The following KPNA1 variants were observed in gnomAD, a reference collection of about 807,000 sequenced individuals.
KPNA1 encodes karyopherin subunit alpha 1.
Under a neutral mutation model 70.5 loss-of-function variants are expected in KPNA1, and 10 were observed. The observed-to-expected ratio is 0.14, with a 90% CI of 0.09 to 0.24. KPNA1 has a LOEUF of 0.24. KPNA1 is among the 10% of genes least tolerant of loss of function. The pLI is 1.00. For missense variants in KPNA1, 397 were observed against 637.9 expected (o/e 0.62, Z 4.07); for synonymous variants, 192 against 221.9 (o/e 0.87, Z 1.20).
At chr3:122,478,917 AAAAG>A in intron 2 of KPNA1, among the ~76,000 whole-genome samples, 1 of 150,114 alleles carries the variant, frequency 6.7e-6, no homozygotes, top group African/African-American at 2.4e-5. Context: ...AAAAAAAAAA[AAAAG>A]AACTAAAAAA....
intron 10 of KPNA1, among the ~76,000 whole-genome samples, chr3:122,439,067 C>G (rs2076028481): frequency 6.6e-6 from 1 of 152,010 alleles, no homozygotes; most frequent in Non-Finnish European, 1.5e-5. Context: ...TCTTTTATGC[C>G]TATTAAATAG....
At chr3:122,488,817 G>A (rs2076660299) in intron 2 of KPNA1, among the ~76,000 whole-genome samples, 1 of 152,038 alleles carries the variant, frequency 6.6e-6, no homozygotes, top group Non-Finnish European at 1.5e-5. Flanking sequence ...TTTAAGTTTG[G>A]GTTTGAGCAG....
chr3:122,496,974 G>C (rs763807125), intron 1 of KPNA1, among the ~76,000 whole-genome samples: 3 of 152,214 alleles, frequency 2.0e-5, no homozygotes, highest in Admixed American at 2.0e-4. Context: ...AAAGGGCTGG[G>C]ATTTCAGGCG....
chr3:122,451,459 GT>G (rs1350450900), intron 8 of KPNA1, 74 bp downstream of exon 8: 1 of 722,288 alleles, frequency 1.4e-6, no homozygotes, highest in Non-Finnish European at 2.3e-6. Context: ...TTATCTTCCT[GT>G]TCACCTTACC....
chr3:122,454,529 G>A (rs1405038212), intron 5 of KPNA1, among the ~76,000 whole-genome samples: 1 of 152,174 alleles, frequency 6.6e-6, no homozygotes, highest in African/African-American at 2.4e-5. Context: ...TACCATGTAT[G>A]TTATCTAATA....
intron 1 of KPNA1, among the ~76,000 whole-genome samples, chr3:122,504,339 A>G (rs2076864895): frequency 6.6e-6 from 1 of 152,208 alleles, no homozygotes; most frequent in Non-Finnish European, 1.5e-5. Context: ...GAAGGGGCTA[A>G]GGAGCTCTCT....
Position 122,514,807 on chromosome 3 carries a change from T to TCGCC in KPNA1, c.-60_-57dup, listed in dbSNP as rs2077000402. On this transcript the variant is annotated 5_prime_UTR_variant, in exon 1 of 14. Coordinates refer to ENST00000344337, the MANE Select transcript of KPNA1 (RefSeq NM_002264.4). ...GCCACCGCTGAAGTTAGCCCCTCGC[T>TCGCC]CGCCCGCCCGCCGTGCCACTCCCGC... is the stretch of plus-strand genomic sequence containing the variant. The TCGCC allele has an allele frequency of 2.0e-5, 3 of 150,170 alleles. No homozygotes were observed. In the South Asian group the frequency reaches 6.4e-4, roughly 32 times the overall value. The allele number at this position is 150,170 out of a possible 1,614,324, so 9.3% of individuals were successfully genotyped here.
chr3:122,477,525 C>A (rs1036773319), intron 2 of KPNA1, among the ~76,000 whole-genome samples: 4 of 152,194 alleles, frequency 2.6e-5, no homozygotes, highest in Non-Finnish European at 4.4e-5. Flanking sequence ...CACAGCAAGA[C>A]CCTGCCTCTA....
intron 11 of KPNA1, among the ~76,000 whole-genome samples, chr3:122,436,884 TCTC>T (rs1257198716): frequency 2.0e-5 from 3 of 152,134 alleles, no homozygotes; most frequent in Admixed American, 6.5e-5. Flanking sequence ...TTCAAGTAAT[TCTC>T]CTCCCTCAGC....
chr3:122,505,979 T>C (rs1235368319), intron 1 of KPNA1, among the ~76,000 whole-genome samples: 3 of 152,254 alleles, frequency 2.0e-5, no homozygotes, highest in Admixed American at 2.0e-4. Context: ...GATAAGGAAC[T>C]ACAACGTTTT....
At chr3:122,457,898 T>G (rs2076281996) in intron 5 of KPNA1, 2 of 1,278,794 alleles carry the variant, frequency 1.6e-6, no homozygotes, top group Non-Finnish European at 1.0e-6. Context: ...TAAACCCAGA[T>G]AGCAAACTCT....
chr3:122,466,461 GTGTGTACACATATATATA>G (rs1317118426), intron 3 of KPNA1, among the ~76,000 whole-genome samples: 1 of 151,652 alleles, frequency 6.6e-6, no homozygotes, highest in Non-Finnish European at 1.5e-5. Context: ...AAAACTGTGT[GTGTGTACACATATATATA>G]TATGTACACA....
chr3:122,501,514 G>A (rs1178826872), intron 1 of KPNA1, among the ~76,000 whole-genome samples: 1 of 152,064 alleles, frequency 6.6e-6, no homozygotes, highest in Non-Finnish European at 1.5e-5. Context: ...ACACATATTG[G>A]TGAGTTTCTC....
intron 1 of KPNA1, among the ~76,000 whole-genome samples, chr3:122,507,145 A>G (rs1424277828): frequency 1.3e-5 from 2 of 152,224 alleles, no homozygotes; most frequent in Non-Finnish European, 2.9e-5. Context: ...TCGTAACTTA[A>G]GAAATCAGAA....
intron 1 of KPNA1, among the ~76,000 whole-genome samples, chr3:122,498,603 G>T (rs1419327120): frequency 6.6e-6 from 1 of 152,102 alleles, no homozygotes; most frequent in East Asian, 1.9e-4. Context: ...CTATTCCACT[G>T]ATCTATATGT....
chr3:122,465,640 G>C (rs546958251), intron 3 of KPNA1, among the ~76,000 whole-genome samples: 1 of 152,210 alleles, frequency 6.6e-6, no homozygotes, highest in African/African-American at 2.4e-5. Context: ...GGTGGCTCAC[G>C]CCTGTAATCC....
Position 122,467,391 on chromosome 3 carries a change from T to C in KPNA1, c.168A>G (p.Glu56=). The change falls in exon 3 of 14, where the codon GAA becomes GAG. Residue 56 remains glutamate (E), a synonymous_variant. Transcript: ENST00000344337. The stretch of plus-strand genomic sequence containing the variant: ...CATCTGACATAACTTCTTCTTCTGT[T>C]TCTTCTTCTGCTGTAGCAACATTTC... ...KRRNVATAEE[E]TEEEVMSDGG... is the part of the protein sequence containing the mutation. 1.2e-6 allele frequency: 2 copies of C among 1,610,546 alleles called. No individual in the cohort carries two copies. Among genetic ancestry groups the C allele is most frequent in the Non-Finnish European group, 1.7e-6 (2 of 1,177,696 alleles).
intron 8 of KPNA1, among the ~76,000 whole-genome samples, chr3:122,450,719 T>C (rs1251436470): frequency 6.6e-6 from 1 of 152,214 alleles, no homozygotes; most frequent in Non-Finnish European, 1.5e-5. Context: ...ACTAAAAGTA[T>C]ATCTACCATT....
chr3:122,478,532 G>C (rs1379307588), intron 2 of KPNA1, among the ~76,000 whole-genome samples: 5 of 149,198 alleles, frequency 3.4e-5, no homozygotes, highest in African/African-American at 9.8e-5. Flanking sequence ...CACCAGCCTG[G>C]ACAACATGGG....
Sources: gnomAD v4.1 joint callset for allele counts (sites outside exome capture counted in the v4.1 genomes callset) on GRCh38, gnomAD v4.1.1 for gene constraint, MANE v1.5 for transcripts, NCBI Gene and HGNC (gene_info 2026-07-23, HGNC 2026-07-21) for gene names.